The following KCNT2 variants were observed in gnomAD, a reference collection of about 807,000 sequenced individuals.
The protein encoded by KCNT2 is potassium sodium-activated channel subfamily T member 2, also known as potassium channel subfamily T member 2.
KCNT2 carries 67 observed loss-of-function variants against 153.8 expected under a neutral mutation model. That is an observed-to-expected ratio of 0.44 (90% CI 0.36 to 0.53). KCNT2 has a LOEUF of 0.53. Ranked by LOEUF, KCNT2 falls within the 20% of genes least tolerant of loss-of-function variation. The pLI is 0.00. For missense variants in KCNT2, 975 were observed against 1,354.8 expected, an observed-to-expected ratio of 0.72 and a Z score of 4.40; for synonymous variants, 500 against 458.8, an observed-to-expected ratio of 1.09 and a Z score of -1.15.
intron 26 of KCNT2, 33 bp downstream of exon 26, chr1:196,258,161 G>A: frequency 6.3e-7 from 1 of 1,590,362 alleles, no homozygotes; most frequent in Non-Finnish European, 8.6e-7. Context: ...GAAATCACGA[G>A]TCCATATATA....
At chr1:196,537,703 C>A (rs1655770985) in intron 1 of KCNT2, among the ~76,000 whole-genome samples, 1 of 152,174 alleles carries the variant, frequency 6.6e-6, no homozygotes. Context: ...TGGGCATTTT[C>A]TAGAATTGCT....
intron 12 of KCNT2, among the ~76,000 whole-genome samples, chr1:196,402,830 A>G (rs1289520411): frequency 6.6e-6 from 1 of 151,636 alleles, no homozygotes; most frequent in Non-Finnish European, 1.5e-5. Context: ...TAGTTAACTC[A>G]TGTCATTAGA....
chr1:196,270,675 CA>C (rs1458571444), intron 25 of KCNT2, among the ~76,000 whole-genome samples: 10 of 151,976 alleles, frequency 6.6e-5, no homozygotes, highest in Non-Finnish European at 1.2e-4. Context: ...CCAGAATTAC[CA>C]AAATATATAG....
chr1:196,466,782 C>T (rs1013049670), intron 7 of KCNT2, among the ~76,000 whole-genome samples: 1 of 151,942 alleles, frequency 6.6e-6, no homozygotes, highest in Non-Finnish European at 1.5e-5. Flanking sequence ...CATGTATTAA[C>T]ATTTGTGGTA....
Position 196,235,240 on chromosome 1 carries a change from C to T in KCNT2, c.3296+746G>A, listed in dbSNP as rs931869320. On this transcript the variant is annotated intron_variant, in intron 27 of 27. Transcript: ENST00000294725. ...CAATTCCTGCATTTTCCAAGCCATT[C>T]TTTCTGTTCTGGAATGTCCTCTCTT... 2.6e-5 allele frequency among the ~76,000 whole-genome samples: 4 copies of T among 151,384 alleles called. No individual in the cohort carries two copies. The Admixed American group carries it at 2.6e-4, about 10-fold the overall frequency.
rs190335587 is a variant in KCNT2 at position 196,299,774 on chromosome 1, A to C, written c.2595+5460T>G. Among the ~76,000 whole-genome samples, 6 of 152,326 alleles carry C rather than the reference A, an allele frequency of 3.9e-5. No individual in the cohort carries two copies. The East Asian group carries it at 1.2e-3, about 29-fold the overall frequency. On this transcript the variant is annotated intron_variant, in intron 22 of 27. Coordinates refer to ENST00000294725, the MANE Select transcript of KCNT2 (RefSeq NM_198503.5). ...GTATACATCCAAAGGAAAGAAAATT[A>C]GTATTTCAAAGAGGTATCTGCACTT...
chr1:196,536,842 C>A (rs1023038257), intron 1 of KCNT2, among the ~76,000 whole-genome samples: 3 of 152,200 alleles, frequency 2.0e-5, no homozygotes, highest in Non-Finnish European at 4.4e-5. Flanking sequence ...CATGAATACA[C>A]CCATCCCACT....
chr1:196,315,577 C>A (rs952723587), intron 21 of KCNT2, among the ~76,000 whole-genome samples: 1 of 151,500 alleles, frequency 6.6e-6, no homozygotes, highest in Admixed American at 6.6e-5. Context: ...AATACCAATA[C>A]GAGAACATGG....
chr1:196,266,426 AC>A (rs1425939508), intron 25 of KCNT2, among the ~76,000 whole-genome samples: 5 of 152,182 alleles, frequency 3.3e-5, no homozygotes, highest in Non-Finnish European at 5.9e-5. Context: ...CATCAGAATT[AC>A]TTTCTGGCCT....
At chr1:196,261,129 TA>T (rs1482698475) in intron 25 of KCNT2, among the ~76,000 whole-genome samples, 13 of 151,976 alleles carry the variant, frequency 8.6e-5, no homozygotes, top group African/African-American at 3.1e-4. Context: ...TCCTGTGTTT[TA>T]AACATGCCAT....
intron 1 of KCNT2, among the ~76,000 whole-genome samples, chr1:196,537,468 A>T (rs1209564438): frequency 6.6e-6 from 1 of 152,148 alleles, no homozygotes; most frequent in Non-Finnish European, 1.5e-5. Context: ...ATGTATCTGC[A>T]CTATTATCTA....
intron 13 of KCNT2, among the ~76,000 whole-genome samples, chr1:196,394,782 T>C (rs1191421400): frequency 6.6e-6 from 1 of 151,594 alleles, no homozygotes; most frequent in African/African-American, 2.4e-5. Context: ...TTCTGATGCT[T>C]ATATCTTTTA....
intron 20 of KCNT2, among the ~76,000 whole-genome samples, chr1:196,318,901 T>C (rs1442175617): frequency 2.6e-5 from 4 of 151,748 alleles, no homozygotes; most frequent in Non-Finnish European, 5.9e-5. Context: ...ATTTCAAGTA[T>C]ATTAGCGTTT....
At chr1:196,451,315 A>G (rs1243314335) in intron 8 of KCNT2, among the ~76,000 whole-genome samples, 3 of 128,686 alleles carry the variant, frequency 2.3e-5, no homozygotes, top group Non-Finnish European at 4.7e-5. Context: ...ATCTCAGCTC[A>G]CTGCAACCTG....
intron 13 of KCNT2, among the ~76,000 whole-genome samples, chr1:196,380,779 G>T (rs16839832): frequency 0.057 from 8,677 of 152,182 alleles, 387 homozygotes; most frequent in Non-Finnish European, 0.085. Flanking sequence ...AAGCAAGAGT[G>T]GGTTTATTGC....
intron 16 of KCNT2, among the ~76,000 whole-genome samples, chr1:196,338,846 T>G (rs1665293590): frequency 6.8e-6 from 1 of 147,912 alleles, no homozygotes; most frequent in South Asian, 2.1e-4. Context: ...TGACCAGATT[T>G]AATAGAATTT....
chr1:196,477,231 G>C (rs1487997616), intron 5 of KCNT2, among the ~76,000 whole-genome samples: 1 of 151,954 alleles, frequency 6.6e-6, no homozygotes, highest in Non-Finnish European at 1.5e-5. Flanking sequence ...AAAACTTCTT[G>C]CTCTAAATTT....
intron 19 of KCNT2, among the ~76,000 whole-genome samples, chr1:196,326,358 C>CA (rs145358818): frequency 4.9e-4 from 71 of 145,776 alleles, no homozygotes; most frequent in East Asian, 3.0e-3. Flanking sequence ...TTTAGAAAGA[C>CA]AAAAAAAAAA....
At chr1:196,249,962 T>A (rs1365886692) in intron 26 of KCNT2, among the ~76,000 whole-genome samples, 1 of 152,056 alleles carries the variant, frequency 6.6e-6, no homozygotes, top group Non-Finnish European at 1.5e-5. Flanking sequence ...CAAAAAAATT[T>A]GAATGATATT....
Sources: gnomAD v4.1 joint callset for allele counts (sites outside exome capture counted in the v4.1 genomes callset) on GRCh38, gnomAD v4.1.1 for gene constraint, MANE v1.5 for transcripts, NCBI Gene and HGNC (gene_info 2026-07-23, HGNC 2026-07-21) for gene names.